Variants in COLGALT2 observed in about 807,000 individuals in gnomAD.
COLGALT2 encodes the protein collagen beta(1-O)galactosyltransferase 2.
A neutral mutation model predicts 73.4 loss-of-function variants in COLGALT2; 49 were observed. The ratio of observed to expected loss-of-function variants is 0.67; its 90% CI spans 0.53 to 0.85. The LOEUF (loss-of-function observed/expected upper bound fraction) is 0.85, where lower values mean the gene tolerates loss of function less well. Among genes scored for constraint, COLGALT2 ranks in the 40% least tolerant of loss-of-function variants. The pLI, the probability that COLGALT2 is intolerant of heterozygous loss-of-function variation, is 0.00. For missense variants in COLGALT2, 722 were observed against 790.2 expected, an observed-to-expected ratio of 0.91 and a Z score of 1.03; for synonymous variants, 295 against 307.6, an observed-to-expected ratio of 0.96 and a Z score of 0.43.
downstream of COLGALT2, among the ~76,000 whole-genome samples, chr1:183,931,499 G>C (rs539572892): frequency 1.3e-5 from 2 of 152,206 alleles, no homozygotes; most frequent in Admixed American, 1.3e-4. Flanking sequence ...CTGTAGTCTC[G>C]GGTGTTCCCC....
In COLGALT2 at chr1:183,944,335, A is replaced by T; in HGVS notation, c.1270-12T>A. 6.2e-7 allele frequency: 1 copy of T among 1,609,406 alleles called. No individual in the cohort carries two copies. Among genetic ancestry groups the T allele is most frequent in the Non-Finnish European group, 8.5e-7 (1 of 1,178,666 alleles). On this transcript the variant is annotated splice_polypyrimidine_tract_variant and intron_variant, in intron 9 of 11. Transcript: ENST00000361927. ...TCTCGATCAATTACCTGCAAAAGTC[A>T]TCAGTAGGAAGATACCCTATGAAAA...
At chr1:183,982,007 T>G (rs2986571) in intron 1 of COLGALT2, among the ~76,000 whole-genome samples, 95,539 of 151,790 alleles carry the variant, frequency 0.63, 32,050 homozygotes, top group Non-Finnish European at 0.76. Flanking sequence ...AAATTAAAAC[T>G]AGCCTACTTA....
chr1:183,941,728 A>T (rs922851218), intron 10 of COLGALT2, among the ~76,000 whole-genome samples: 12 of 152,326 alleles, frequency 7.9e-5, no homozygotes, highest in Admixed American at 7.2e-4. Flanking sequence ...AACAACAAAC[A>T]TATATCCCCA....
At chr1:183,932,928 G>C (rs1669876771), downstream of COLGALT2, among the ~76,000 whole-genome samples, 1 of 152,162 alleles carries the variant, frequency 6.6e-6, no homozygotes, top group African/African-American at 2.4e-5. Context: ...CACAGTCCCT[G>C]TGTCTTTCCT....
chr1:184,012,379 T>C (rs905750955), intron 1 of COLGALT2, among the ~76,000 whole-genome samples: 2 of 152,162 alleles, frequency 1.3e-5, no homozygotes, highest in African/African-American at 4.8e-5. Flanking sequence ...CTAGGATTAT[T>C]AGAGGAAAAA....
chr1:183,950,612 T>C (rs1161596637), intron 8 of COLGALT2, among the ~76,000 whole-genome samples: 2 of 152,198 alleles, frequency 1.3e-5, no homozygotes, highest in Admixed American at 6.5e-5. Flanking sequence ...TACACCTTTA[T>C]GCATTTTCCA....
At chr1:184,011,813 G>A (rs1027425104) in intron 1 of COLGALT2, among the ~76,000 whole-genome samples, 1 of 152,192 alleles carries the variant, frequency 6.6e-6, no homozygotes, top group Non-Finnish European at 1.5e-5. Flanking sequence ...TGGTTAATAT[G>A]TTCCCAGACT....
In COLGALT2 at chr1:183,961,745, AT is replaced by A. The variant is rs924428286; in HGVS notation, c.952+2155del. ...GCTCATTTGTTCATGCATTCAGCAG[AT>A]TTTTTTTGGTAACAACTACATGCCA... On this transcript the variant is annotated intron_variant, in intron 6 of 11. Coordinates refer to ENST00000361927, the MANE Select transcript of COLGALT2 (RefSeq NM_015101.4). Among the ~76,000 whole-genome samples, 134 of 152,150 alleles carry A rather than the reference AT, an allele frequency of 8.8e-4. 1 individual carries two copies. The highest frequency in any genetic ancestry group is 2.2e-3 in the Admixed American group (34 of 15,280).
intron 1 of COLGALT2, among the ~76,000 whole-genome samples, chr1:183,993,076 C>T (rs1439870643): frequency 6.6e-6 from 1 of 152,144 alleles, no homozygotes; most frequent in Non-Finnish European, 1.5e-5. Flanking sequence ...TCACTTTTTA[C>T]AAGAAAACTC....
chr1:183,944,342 G>A lies in COLGALT2; in HGVS notation c.1270-19C>T. ...CAATTACCTGCAAAAGTCATCAGTAGGAAGATACCCTATGAAAAGTTTGAA... is the reference window on the plus strand; with the variant it reads ...CAATTACCTGCAAAAGTCATCAGTAAGAAGATACCCTATGAAAAGTTTGAA... On this transcript the variant is annotated intron_variant, in intron 9 of 11. Coordinates refer to ENST00000361927, the MANE Select transcript of COLGALT2 (RefSeq NM_015101.4). 1.2e-6 allele frequency: 2 copies of A among 1,602,204 alleles called. No homozygotes were observed. Among genetic ancestry groups the A allele is most frequent in the Non-Finnish European group, 8.5e-7 (1 of 1,176,462 alleles).
intron 6 of COLGALT2, among the ~76,000 whole-genome samples, chr1:183,959,906 CCTGT>C (rs1558314948): frequency 6.6e-6 from 1 of 152,150 alleles, no homozygotes; most frequent in Non-Finnish European, 1.5e-5. Flanking sequence ...CCAAGCTTTT[CCTGT>C]CTAACAGTCT....
rs768092573 is a variant in COLGALT2 at position 183,937,914 on chromosome 1, G to C, written c.*847C>G. On this transcript the variant is annotated 3_prime_UTR_variant, in exon 12 of 12. Transcript: ENST00000361927. Reference sequence around the variant, plus strand: ...GCGGAGAGCGTGAAGCTCTGTAGCAGCGCGCAAACCCGGGACAGGGCAGGA... The same window carrying C: ...GCGGAGAGCGTGAAGCTCTGTAGCACCGCGCAAACCCGGGACAGGGCAGGA... 1.3e-5 allele frequency: 13 copies of C among 985,332 alleles called. No individual in the cohort carries two copies. Among genetic ancestry groups the C allele is most frequent in the Non-Finnish European group, 1.4e-5 (12 of 829,952 alleles). 61.0% of individuals were successfully genotyped at this position (985,332 alleles called of 1,614,324 possible). A position where few individuals can be genotyped will look rare whatever the true frequency, so the allele number is the denominator to read the frequency against.
At chr1:184,013,580 C>T (rs115832727) in intron 1 of COLGALT2, among the ~76,000 whole-genome samples, 1,845 of 152,130 alleles carry the variant, frequency 0.012, 37 homozygotes, top group African/African-American at 0.042. Context: ...AAGGACGGGG[C>T]GGGAGAAACT....
chr1:184,030,298 A>C (rs1270290263), intron 1 of COLGALT2, among the ~76,000 whole-genome samples: 1 of 152,224 alleles, frequency 6.6e-6, no homozygotes, highest in Non-Finnish European at 1.5e-5. Context: ...TACGTTTTGT[A>C]ATTCCTGATG....
At chr1:183,944,636 G>A (rs1670201683) in intron 9 of COLGALT2, among the ~76,000 whole-genome samples, 1 of 152,152 alleles carries the variant, frequency 6.6e-6, no homozygotes, top group South Asian at 2.1e-4. Context: ...GCCTTTAGAA[G>A]TCAGGATGGT....
downstream of COLGALT2, among the ~76,000 whole-genome samples, chr1:183,932,288 T>C (rs900788878): frequency 6.6e-6 from 1 of 152,192 alleles, no homozygotes; most frequent in South Asian, 2.1e-4. Context: ...CTTAGCTCTT[T>C]GCCTTATCTG....
rs1267389181 is a variant in COLGALT2, at chr1:183,954,744, T to C, written c.1029+18A>G. On this transcript the variant is annotated intron_variant, in intron 7 of 11. Transcript: ENST00000361927. ...GCACACGCGTGCATGTGCACACACA[T>C]ATAGACACCTTTCCTACCTCATCAA... 6.3e-7 allele frequency: 1 copy of C among 1,589,956 alleles called. No homozygotes were observed.
In COLGALT2 at chr1:183,964,039, G is replaced by A; in HGVS notation, c.833-19C>T. 1 of 1,611,602 alleles carries A rather than the reference G, an allele frequency of 6.2e-7. No homozygotes were observed. Among genetic ancestry groups the A allele is most frequent in the Non-Finnish European group, 8.5e-7 (1 of 1,178,802 alleles). ...TGGATGCCTGAGGATCCAAGAGAGG[G>A]ACAAAGCCAACAATCAGAAAACATA... On this transcript the variant is annotated intron_variant, in intron 5 of 11. Transcript: ENST00000361927.
intron 6 of COLGALT2, 96 bp downstream of exon 6, chr1:183,963,805 C>A: frequency 7.7e-7 from 1 of 1,296,962 alleles, no homozygotes; most frequent in Non-Finnish European, 1.0e-6. Context: ...AGACTGATGG[C>A]TGTGAGATTC....
Sources: allele counts gnomAD v4.1 joint callset (sites outside exome capture counted in the v4.1 genomes callset), GRCh38; gene constraint gnomAD v4.1.1; transcripts MANE v1.5; gene names NCBI Gene and HGNC (gene_info 2026-07-23, HGNC 2026-07-21).